The following SLC25A13 variants were observed in gnomAD, a reference collection of about 807,000 sequenced individuals.
The protein encoded by SLC25A13 is electrogenic aspartate/glutamate antiporter SLC25A13, mitochondrial.
Under a neutral mutation model 85.5 loss-of-function variants are expected in SLC25A13, and 70 were observed. That is an observed-to-expected ratio of 0.82 (90% CI 0.68 to 1.00). The LOEUF is 1.00. Among genes scored for constraint, SLC25A13 ranks in the 50% least tolerant of loss-of-function variants. SLC25A13 has a pLI of 0.00. For synonymous variants in SLC25A13, 259 were observed against 288.7 expected, an observed-to-expected ratio of 0.90 and a Z score of 1.04; for missense variants, 765 against 819.8, an observed-to-expected ratio of 0.93 and a Z score of 0.82.
At chr7:96,196,494 G>C (rs1237386349) in intron 5 of SLC25A13, among the ~76,000 whole-genome samples, 1 of 152,150 alleles carries the variant, frequency 6.6e-6, no homozygotes, top group African/African-American at 2.4e-5. Context: ...ATGCCAAGGT[G>C]GGGGCTGGTG....
chr7:96,269,230 GA>G (rs1385534910), intron 3 of SLC25A13, among the ~76,000 whole-genome samples: 2 of 152,142 alleles, frequency 1.3e-5, no homozygotes. Context: ...CTCCAACATG[GA>G]AGGCTGACCA....
At chr7:96,279,459 C>A (rs781700604) in intron 2 of SLC25A13, among the ~76,000 whole-genome samples, 2 of 152,096 alleles carry the variant, frequency 1.3e-5, no homozygotes, top group Non-Finnish European at 2.9e-5. Context: ...TGGTGGAAGG[C>A]GAATGAGGAG....
intron 4 of SLC25A13, among the ~76,000 whole-genome samples, chr7:96,223,494 A>G (rs1271929740): frequency 1.3e-5 from 2 of 152,200 alleles, no homozygotes; most frequent in Admixed American, 1.3e-4. Flanking sequence ...AAAAGCAGGT[A>G]TTCAAGCTCT....
chr7:96,215,511 C>A (rs1182891495), intron 4 of SLC25A13, among the ~76,000 whole-genome samples: 2 of 152,040 alleles, frequency 1.3e-5, no homozygotes. Flanking sequence ...TTAACCCTCA[C>A]ATTTATAGTC....
intron 2 of SLC25A13, among the ~76,000 whole-genome samples, chr7:96,293,840 A>G (rs573332939): frequency 1.3e-5 from 2 of 152,342 alleles, no homozygotes; most frequent in East Asian, 3.9e-4. Context: ...TGGGACTGTA[A>G]ACTAGTTCAA....
At chr7:96,289,019 A>G (rs986407830) in intron 2 of SLC25A13, among the ~76,000 whole-genome samples, 1 of 152,214 alleles carries the variant, frequency 6.6e-6, no homozygotes, top group African/African-American at 2.4e-5. Context: ...GTAGGGGCAG[A>G]TTGACACCTC....
At chr7:96,305,528 A>G (rs1036763315) in intron 1 of SLC25A13, among the ~76,000 whole-genome samples, 2 of 152,162 alleles carry the variant, frequency 1.3e-5, no homozygotes, top group Non-Finnish European at 2.9e-5. Context: ...CACGCCCAAT[A>G]TAATTTGTTA....
chr7:96,255,330 G>A (rs752008877), intron 3 of SLC25A13, among the ~76,000 whole-genome samples: 10 of 152,194 alleles, frequency 6.6e-5, no homozygotes, highest in Non-Finnish European at 1.2e-4. Flanking sequence ...GGATTTAACT[G>A]TGTCAATTTA....
At chr7:96,168,100 A>G (rs1216499644) in intron 13 of SLC25A13, among the ~76,000 whole-genome samples, 7 of 101,498 alleles carry the variant, frequency 6.9e-5, no homozygotes, top group Non-Finnish European at 9.3e-5. Flanking sequence ...CTCTGTCTGA[A>G]AAAAAAAAAA....
In SLC25A13 at chr7:96,131,867, G is replaced by A. The variant is rs1263731588; in HGVS notation, c.1467C>T (p.Cys489=). The change falls in exon 15 of 18, where the codon TGC becomes TGT. Residue 489 remains cysteine (C), a synonymous_variant. Coordinates refer to ENST00000265631, the MANE Select transcript of SLC25A13 (RefSeq NM_014251.3). The part of the protein sequence containing the change: ...FFGIYKGAKA[C]FLRDIPFSAI... ...CCGAGAAAGGAATGTCCCGCAGAAA[G>A]CATGCTTTGGCACCCTGCACATTTG... 1 of 1,613,986 alleles carries A rather than the reference G, an allele frequency of 6.2e-7. No individual in the cohort carries two copies. The highest frequency in any genetic ancestry group is 1.3e-5 in the African/African-American group (1 of 75,012).
chr7:96,237,141 T>G (rs1796774604), intron 3 of SLC25A13, among the ~76,000 whole-genome samples: 1 of 152,186 alleles, frequency 6.6e-6, no homozygotes, highest in Non-Finnish European at 1.5e-5. Flanking sequence ...CTTAAATCTA[T>G]GGCTGTAAGG....
chr7:96,122,326 G>A (rs369932133), intron 15 of SLC25A13, among the ~76,000 whole-genome samples: 15 of 152,264 alleles, frequency 9.9e-5, no homozygotes, highest in African/African-American at 2.9e-4. Flanking sequence ...TGGAGAAAGC[G>A]GTTTTCTTTT....
At chr7:96,128,910 T>G (rs77596078) in intron 15 of SLC25A13, among the ~76,000 whole-genome samples, 1,962 of 148,078 alleles carry the variant, frequency 0.013, 37 homozygotes, top group African/African-American at 0.046. Flanking sequence ...GGTGAAGTCA[T>G]AGAAGACACT....
At chr7:96,197,779 C>A (rs764328433) in intron 5 of SLC25A13, among the ~76,000 whole-genome samples, 1 of 151,936 alleles carries the variant, frequency 6.6e-6, no homozygotes, top group African/African-American at 2.4e-5. Flanking sequence ...CAGAAGTAAA[C>A]GAGTCATCTG....
In SLC25A13 at chr7:96,128,551, A is replaced by G. The variant is rs115494871; in HGVS notation, c.1591+3192T>C. ...CTAAAATCAACAGGGCAAACTCGGT[A>G]TTTTCCCATTTTACCAGAAACGGGG... is the stretch of plus-strand genomic sequence containing the variant. On this transcript the variant is annotated intron_variant, in intron 15 of 17. Transcript: ENST00000265631. 6.4e-3 allele frequency among the ~76,000 whole-genome samples: 967 copies of G among 152,196 alleles called. 10 individuals are homozygous for G. The highest frequency in any genetic ancestry group is 0.022 in the African/African-American group (909 of 41,530).
At chr7:96,167,857 T>G (rs1016144649) in intron 13 of SLC25A13, among the ~76,000 whole-genome samples, 3 of 152,024 alleles carry the variant, frequency 2.0e-5, no homozygotes, top group African/African-American at 7.2e-5. Flanking sequence ...CCCAGCATTT[T>G]GGGAGGCCAA....
intron 1 of SLC25A13, among the ~76,000 whole-genome samples, chr7:96,307,958 C>T (rs1396230963): frequency 6.6e-6 from 1 of 151,958 alleles, no homozygotes; most frequent in Non-Finnish European, 1.5e-5. Context: ...TCAAGACCAG[C>T]CTGACCACCA....
intron 15 of SLC25A13, among the ~76,000 whole-genome samples, chr7:96,128,951 T>G (rs1176315789): frequency 1.4e-5 from 2 of 145,448 alleles, no homozygotes; most frequent in African/African-American, 5.1e-5. Flanking sequence ...TCTCTCTCTC[T>G]CTCTCTCTCT....
intron 10 of SLC25A13, 124 bp downstream of exon 10, chr7:96,184,803 A>C: frequency 1.2e-6 from 1 of 855,992 alleles, no homozygotes; most frequent in Non-Finnish European, 2.0e-6. Flanking sequence ...CACAGGTAGA[A>C]ACTGATAACT....
Sources: gnomAD v4.1 joint callset for allele counts (sites outside exome capture counted in the v4.1 genomes callset) on GRCh38, gnomAD v4.1.1 for gene constraint, MANE v1.5 for transcripts, NCBI Gene and HGNC (gene_info 2026-07-23, HGNC 2026-07-21) for gene names.